PTPRK: variants seen among roughly 807,000 people sequenced by gnomAD.
PTPRK encodes receptor-type tyrosine-protein phosphatase kappa.
A neutral mutation model predicts 178.0 loss-of-function variants in PTPRK; 75 were observed. That is an observed-to-expected ratio of 0.42 (90% confidence interval 0.35 to 0.51). The LOEUF (loss-of-function observed/expected upper bound fraction) is 0.51. PTPRK is among the 20% of genes least tolerant of loss of function. The pLI is 0.02. For missense variants in PTPRK, 1,441 were observed against 1,797.8 expected, an observed-to-expected ratio of 0.80 and a Z score of 3.59; for synonymous variants, 637 against 620.6, an observed-to-expected ratio of 1.03 and a Z score of -0.39.
intron 1 of PTPRK, among the ~76,000 whole-genome samples, chr6:128,452,833 T>C (rs890927603): frequency 2.6e-5 from 4 of 152,274 alleles, no homozygotes; most frequent in Admixed American, 1.3e-4. Context: ...CAACCTTAAA[T>C]TGGCTTCCGG....
intron 3 of PTPRK, among the ~76,000 whole-genome samples, chr6:128,269,747 C>A (rs1176140887): frequency 2.0e-5 from 3 of 151,844 alleles, no homozygotes; most frequent in Non-Finnish European, 4.4e-5. Context: ...CAATGTAATT[C>A]ATCAGCTGAT....
chr6:128,510,502 C>A (rs1460135873), intron 1 of PTPRK, among the ~76,000 whole-genome samples: 1 of 152,220 alleles, frequency 6.6e-6, no homozygotes, highest in African/African-American at 2.4e-5. Flanking sequence ...AAATCACCAT[C>A]ATCTCTTGAG....
At chr6:128,518,726 T>C (rs188275316) in intron 1 of PTPRK, among the ~76,000 whole-genome samples, 3 of 152,224 alleles carry the variant, frequency 2.0e-5, no homozygotes, top group African/African-American at 4.8e-5. Flanking sequence ...AATTAAACCA[T>C]TGGATTATTT....
At chr6:128,172,627 T>A (rs1317755647) in intron 7 of PTPRK, among the ~76,000 whole-genome samples, 6 of 151,502 alleles carry the variant, frequency 4.0e-5, no homozygotes, top group African/African-American at 1.5e-4. Flanking sequence ...ATATATATAG[T>A]GTGTGTGTAT....
intron 15 of PTPRK, chr6:128,003,120 T>C: frequency 2.8e-6 from 4 of 1,417,036 alleles, no homozygotes; most frequent in Non-Finnish European, 3.9e-6. Context: ...GCACTGTAAA[T>C]AATCTCTATG....
chr6:128,311,637 TACACACCC>T (rs1827259708), intron 3 of PTPRK, among the ~76,000 whole-genome samples: 1 of 152,080 alleles, frequency 6.6e-6, no homozygotes, highest in Non-Finnish European at 1.5e-5. Context: ...CTCCTGCCTT[TACACACCC>T]ACCATTTTCA....
At position 128,118,041 on chromosome 6, in the gene PTPRK, A is replaced by C. The variant is rs1223902890; in HGVS notation, c.1163-28049T>G. 3.9e-5 allele frequency among the ~76,000 whole-genome samples: 6 copies of C among 152,214 alleles called. No homozygotes were observed. The East Asian group carries it at 1.2e-3, about 29-fold the overall frequency. Reference sequence around the variant, plus strand: ...AACCAATAAATGCACAAACTCAACAAGAAGTCGTCCTCATTATGGAAAACA... The same window carrying C: ...AACCAATAAATGCACAAACTCAACACGAAGTCGTCCTCATTATGGAAAACA... On this transcript the variant is annotated intron_variant, in intron 7 of 29. Coordinates refer to ENST00000368226, the MANE Select transcript of PTPRK (RefSeq NM_002844.4).
At chr6:128,502,906 T>C (rs535350141) in intron 1 of PTPRK, among the ~76,000 whole-genome samples, 74 of 152,184 alleles carry the variant, frequency 4.9e-4, no homozygotes, top group African/African-American at 1.6e-3. Flanking sequence ...GTGGTAGTAT[T>C]TATACCATGG....
At chr6:128,387,364 T>C (rs1006695832) in intron 2 of PTPRK, among the ~76,000 whole-genome samples, 2 of 152,242 alleles carry the variant, frequency 1.3e-5, no homozygotes, top group Non-Finnish European at 2.9e-5. Context: ...ATGATACTCA[T>C]ATTATGATAA....
intron 27 of PTPRK, among the ~76,000 whole-genome samples, chr6:127,975,716 G>T (rs1774483392): frequency 6.6e-6 from 1 of 152,140 alleles, no homozygotes; most frequent in Non-Finnish European, 1.5e-5. Flanking sequence ...GCTCTATACA[G>T]CCTGGGGTGC....
intron 3 of PTPRK, among the ~76,000 whole-genome samples, chr6:128,262,299 A>G (rs1275095486): frequency 1.3e-5 from 2 of 152,204 alleles, no homozygotes; most frequent in African/African-American, 4.8e-5. Flanking sequence ...AGTTCATAGA[A>G]GCAAAAATAT....
chr6:128,193,346 T>C (rs919414578), intron 6 of PTPRK, among the ~76,000 whole-genome samples: 2 of 148,724 alleles, frequency 1.3e-5, no homozygotes, highest in African/African-American at 4.9e-5. Context: ...TTGTCTTTTC[T>C]ACAAATCACA....
intron 10 of PTPRK, among the ~76,000 whole-genome samples, chr6:128,080,069 C>G (rs1784543909): frequency 6.6e-6 from 1 of 150,938 alleles, no homozygotes; most frequent in Non-Finnish European, 1.5e-5. Flanking sequence ...GGGGATGAAA[C>G]CAGAAGGCTC....
At chr6:128,041,246 A>G (rs1239443212) in intron 13 of PTPRK, among the ~76,000 whole-genome samples, 6 of 152,148 alleles carry the variant, frequency 3.9e-5, no homozygotes, top group African/African-American at 1.4e-4. Context: ...TTTCCCTCCT[A>G]TGAATCACAC....
intron 13 of PTPRK, among the ~76,000 whole-genome samples, chr6:128,040,813 A>G (rs1777038920): frequency 1.3e-5 from 2 of 152,174 alleles, no homozygotes; most frequent in African/African-American, 4.8e-5. Context: ...GTCTACATAA[A>G]CCAAGCAGAA....
chr6:128,152,870 A>G (rs1188537588), intron 7 of PTPRK, among the ~76,000 whole-genome samples: 1 of 152,006 alleles, frequency 6.6e-6, no homozygotes, highest in Non-Finnish European at 1.5e-5. Flanking sequence ...CTTGCGGAAG[A>G]AGAGTGACAG....
At chr6:128,058,293 C>T (rs1780240720) in intron 13 of PTPRK, among the ~76,000 whole-genome samples, 1 of 152,128 alleles carries the variant, frequency 6.6e-6, no homozygotes, top group Non-Finnish European at 1.5e-5. Flanking sequence ...TAGGAGATTT[C>T]CAGTTATTTT....
In PTPRK at chr6:128,074,527, A is replaced by G. The variant is rs370065865; in HGVS notation, c.1883+4286T>C. 1.7e-4 allele frequency among the ~76,000 whole-genome samples: 26 copies of G among 152,198 alleles called. 2 individuals are homozygous for G. The highest frequency in any genetic ancestry group is 6.0e-4 in the African/African-American group (25 of 41,536). On this transcript the variant is annotated intron_variant, in intron 11 of 29. Transcript: ENST00000368226. ...AGGAATTATGTATTCTAGGGAATTG[A>G]TTCTAAATGTAGACAATATTCATTT...
chr6:128,189,349 C>T (rs1803352412), intron 6 of PTPRK, among the ~76,000 whole-genome samples: 1 of 149,888 alleles, frequency 6.7e-6, no homozygotes, highest in Non-Finnish European at 1.5e-5. Flanking sequence ...AAGCTACTCT[C>T]CTGCCTCAGC....
Sources: gnomAD v4.1 joint callset for allele counts (sites outside exome capture counted in the v4.1 genomes callset) on GRCh38, gnomAD v4.1.1 for gene constraint, MANE v1.5 for transcripts, NCBI Gene and HGNC (gene_info 2026-07-23, HGNC 2026-07-21) for gene names.